The following PRAM1 variants were observed in gnomAD, a reference collection of about 807,000 sequenced individuals.
PRAM1 encodes PML-RARA regulated adaptor molecule 1.
PRAM1 carries 41 observed loss-of-function variants against 55.3 expected under a neutral mutation model. The observed-to-expected ratio is 0.74, with a 90% confidence interval of 0.58 to 0.96. The LOEUF (loss-of-function observed/expected upper bound fraction) is 0.96. Ranked by LOEUF, PRAM1 falls within the 40% of genes least tolerant of loss-of-function variation. The pLI is 0.00. For missense variants in PRAM1, 898 were observed against 892.7 expected (o/e 1.01, Z -0.08); for synonymous variants, 401 against 387.1 (o/e 1.04, Z -0.42).
intron 1 of PRAM1, among the ~76,000 whole-genome samples, chr19:8,501,507 A>ATTTTTTTTTTTTTT (rs773534887): frequency 1.4e-4 from 14 of 102,860 alleles, no homozygotes; most frequent in Non-Finnish European, 1.9e-4. Context: ...ATGTGTCTTG[A>ATTTTTTTTTTTTTT]TTTTTTTTTT....
At chr19:8,492,243 T>TTTG (rs1678585191) in intron 4 of PRAM1, among the ~76,000 whole-genome samples, 3 of 142,208 alleles carry the variant, frequency 2.1e-5, no homozygotes, top group African/African-American at 7.8e-5. Flanking sequence ...CCGTTTTTTT[T>TTTG]TTTGTTTCTT....
chr19:8,497,870 C>T (rs201299593), intron 3 of PRAM1, 30 bp from the exon 4 acceptor site: 1,078 of 358,510 alleles, frequency 3.0e-3, no homozygotes, highest in Non-Finnish European at 3.6e-3. Flanking sequence ...GAGGCCTCTT[C>T]TTTTTTTTTT....
In PRAM1 at chr19:8,499,790, G is replaced by A. The variant is rs1233057304; in HGVS notation, c.28-10C>T. 2.5e-6 allele frequency: 4 copies of A among 1,579,854 alleles called. No homozygotes were observed. The highest frequency in any genetic ancestry group is 3.7e-5 in the Admixed American group (2 of 53,558). ...AGTCCTGATGGCTCTCCTAGGAGAC[G>A]CAGAGCCAATGAGGCAGGGGCTCAA... On this transcript the variant is annotated splice_polypyrimidine_tract_variant and intron_variant, in intron 1 of 9. Transcript: ENST00000423345.
chr19:8,498,299 A>G lies in PRAM1; in HGVS notation c.1433-10T>C. On this transcript the variant is annotated splice_polypyrimidine_tract_variant and intron_variant, in intron 2 of 9. Transcript: ENST00000423345. ...CGGGTCCTCCGTAGATCTGTGGGGTAGAGAGTAGGGCAGGGAAGCCGGCAC... is the reference window on the plus strand; with the variant it reads ...CGGGTCCTCCGTAGATCTGTGGGGTGGAGAGTAGGGCAGGGAAGCCGGCAC... The G allele has an allele frequency of 3.7e-6, 6 of 1,611,002 alleles. No individual in the cohort carries two copies. The highest frequency in any genetic ancestry group is 5.1e-6 in the Non-Finnish European group (6 of 1,179,068).
chr19:8,500,732 TC>T (rs1971795174), intron 1 of PRAM1, among the ~76,000 whole-genome samples: 1 of 152,150 alleles, frequency 6.6e-6, no homozygotes, highest in African/African-American at 2.4e-5. Context: ...TCTCATATTT[TC>T]TTATTAGAGA....
chr19:8,490,076 T>C lies in PRAM1; in HGVS notation c.*113A>G, dbSNP rs1971585910. On this transcript the variant is annotated 3_prime_UTR_variant, in exon 10 of 10. Transcript: ENST00000423345. The surrounding 1 kb of genome is among the most constrained non-coding windows in gnomAD (Gnocchi z 7.3). Reference sequence around the variant, plus strand: ...GGGACTGCTTTAAACTGGGGCTTTATGTGGCCAGGTACAAGCCCAGGCAGC... The same window carrying C: ...GGGACTGCTTTAAACTGGGGCTTTACGTGGCCAGGTACAAGCCCAGGCAGC... The C allele has an allele frequency of 9.5e-7, 1 of 1,056,352 alleles. No homozygotes were observed. Among genetic ancestry groups the C allele is most frequent in the East Asian group, 2.6e-5 (1 of 38,250 alleles). 65.4% of individuals were successfully genotyped at this position (1,056,352 alleles called of 1,614,324 possible). A position where few individuals can be genotyped will look rare whatever the true frequency, so the allele number is the denominator to read the frequency against.
chr19:8,500,829 G>C (rs958145634), intron 1 of PRAM1, among the ~76,000 whole-genome samples: 1 of 151,966 alleles, frequency 6.6e-6, no homozygotes, highest in Non-Finnish European at 1.5e-5. Flanking sequence ...GCAATGGCGC[G>C]ATCTCGGCTC....
chr19:8,492,235 G>A (rs771334870), intron 4 of PRAM1, among the ~76,000 whole-genome samples: 4 of 142,832 alleles, frequency 2.8e-5, no homozygotes, highest in South Asian at 2.2e-4. Context: ...GTGCCTAGCC[G>A]TTTTTTTTTT....
At position 8,502,587 on chromosome 19, in the gene PRAM1, G is replaced by T; in HGVS notation, c.5C>A (p.Ala2Asp). The T allele has an allele frequency of 6.4e-7, 1 of 1,551,548 alleles. No individual in the cohort carries two copies. The highest frequency in any genetic ancestry group is 8.7e-7 in the Non-Finnish European group (1 of 1,148,878). ...CACCATGGCTGCAGGCAGGTGATGG[G>T]CCATGGGATGAGTGGGACCCGAGCT... M[A>D]HHLPAAMESH... The change falls in exon 1 of 10, where the codon GCC (alanine) becomes GAC (aspartate). Residue 2 changes from alanine (A) to aspartate (D), a missense_variant. Ala to Asp is a moderately radical substitution (Grantham distance 126, BLOSUM62 -2). Coordinates refer to ENST00000423345, the MANE Select transcript of PRAM1 (RefSeq NM_032152.5).
rs58671333 is a variant in PRAM1, at chr19:8,497,870, C to CTTTT, written c.1500-34_1500-31dup. ...GGGGATACCTGAGATGAGGCCTCTT[C>CTTTT]TTTTTTTTTTTTTTTTTTTTTTTTT... On this transcript the variant is annotated intron_variant, in intron 3 of 9. Coordinates refer to ENST00000423345, the MANE Select transcript of PRAM1 (RefSeq NM_032152.5). The CTTTT allele has an allele frequency of 8.5e-3, 3,046 of 357,194 alleles. 5 individuals are homozygous for CTTTT. Among genetic ancestry groups the CTTTT allele is most frequent in the South Asian group, 0.018 (512 of 27,916 alleles). The allele number at this position is 357,194 out of a possible 1,614,324, so 22.1% of individuals were successfully genotyped here. A position where few individuals can be genotyped will look rare whatever the true frequency, so the allele number is the denominator to read the frequency against.
At chr19:8,491,577 A>C in intron 4 of PRAM1, 2 of 243,100 alleles carry the variant, frequency 8.2e-6, no homozygotes, top group South Asian at 4.9e-5. Flanking sequence ...AGTTCTGAGG[A>C]CTCCCCAAAT....
rs773822906 is a variant in PRAM1, at chr19:8,499,279, C to CG, written c.528dup (p.Ala177ArgfsTer23). ...GATTTGGGTTCGGAGGGGGGTCTGG[C>CG]GGGGTGACTGAGTTCGTCGGGCTGC... On this transcript the variant is annotated frameshift_variant, in exon 2 of 10. Coordinates refer to ENST00000423345, the MANE Select transcript of PRAM1 (RefSeq NM_032152.5). LOFTEE classifies it high-confidence loss of function. The CG allele has an allele frequency of 5.6e-6, 9 of 1,608,614 alleles. No homozygotes were observed. The highest frequency in any genetic ancestry group is 7.6e-6 in the Non-Finnish European group (9 of 1,177,392).
In PRAM1 at chr19:8,498,668, T is replaced by C; in HGVS notation, c.1140A>G (p.Arg380=). ...AAGCGGAGCTGGGGAGTGGAGGCTT[T>C]CGAGGGAGATCACCGAAGAACTCAG... ...PQPEFFGDLP[R]KPPLPSSASE... The change falls in exon 2 of 10, where the codon CGA becomes CGG. Residue 380 remains arginine (R), a synonymous_variant. Coordinates refer to ENST00000423345, the MANE Select transcript of PRAM1 (RefSeq NM_032152.5). 3 of 1,609,108 alleles carry C rather than the reference T, an allele frequency of 1.9e-6. No homozygotes were observed. Among genetic ancestry groups the C allele is most frequent in the Non-Finnish European group, 2.5e-6 (3 of 1,178,174 alleles).
rs763562388 is a variant in PRAM1 at position 8,490,447 on chromosome 19, C to G, written c.1940+29G>C. On this transcript the variant is annotated intron_variant, in intron 8 of 9. Transcript: ENST00000423345. This position sits in a 1 kb window ranked among gnomAD's most constrained non-coding sequence, Gnocchi z 7.3. ...CACCCTGCACCACACACCCCGCACT[C>G]CCCCACCACGGTCAGGGCTGGCACT... 6.2e-6 allele frequency: 10 copies of G among 1,613,190 alleles called. No individual in the cohort carries two copies. In the South Asian group the frequency reaches 9.9e-5, roughly 16 times the overall value.
intron 1 of PRAM1, 120 bp downstream of exon 1, chr19:8,502,445 T>C (rs1971818350): frequency 1.8e-6 from 2 of 1,112,828 alleles, no homozygotes; most frequent in Non-Finnish European, 2.6e-6. Context: ...TTCCCAGATG[T>C]CTTTCGCAGC....
chr19:8,495,712 A>C (rs1971690931), intron 4 of PRAM1, among the ~76,000 whole-genome samples: 1 of 138,980 alleles, frequency 7.2e-6, no homozygotes, highest in Middle Eastern at 4.1e-3. Flanking sequence ...GACGGATTTA[A>C]GGACAGATTT....
At chr19:8,498,134 C>T in intron 3 of PRAM1, 89 bp downstream of exon 3, 3 of 1,374,498 alleles carry the variant, frequency 2.2e-6, no homozygotes. Flanking sequence ...CCCACTTCAG[C>T]CTCCCGAAGT....
chr19:8,491,202 C>T, intron 4 of PRAM1, 45 bp from the exon 5 acceptor site: 1 of 1,570,882 alleles, frequency 6.4e-7, no homozygotes, highest in Non-Finnish European at 8.7e-7. Flanking sequence ...CCCGCCGGCT[C>T]AGCCTTTACC....
In PRAM1 at chr19:8,499,259, G is replaced by C; in HGVS notation, c.549C>G (p.Pro183=). Residue 183 remains proline, a synonymous_variant, in exon 2 of 10, where the codon CCC becomes CCG. Transcript: ENST00000423345. Reference sequence around the variant, plus strand: ...GCTTCCTGGGGAATGCGCCGGATTTGGGTTCGGAGGGGGGTCTGGCGGGGT... The same window carrying C: ...GCTTCCTGGGGAATGCGCCGGATTTCGGTTCGGAGGGGGGTCTGGCGGGGT... ...LSHPARPPSE[P]KSGAFPRKLW... 1 of 1,610,676 alleles carries C rather than the reference G, an allele frequency of 6.2e-7. No individual in the cohort carries two copies.
Sources: allele counts gnomAD v4.1 joint callset (sites outside exome capture counted in the v4.1 genomes callset), GRCh38; gene constraint gnomAD v4.1.1; non-coding constraint Gnocchi (gnomAD v3.1); transcripts MANE v1.5; gene names NCBI Gene and HGNC (gene_info 2026-07-23, HGNC 2026-07-21).